MAGEC1: variants seen among roughly 807,000 people sequenced by gnomAD.
The protein encoded by MAGEC1 is melanoma-associated antigen C1.
A neutral mutation model predicts 1.5 loss-of-function variants in MAGEC1; 3 were observed. That is an observed-to-expected ratio of 1.97 (90% CI 0.90 to 5.10). The LOEUF (loss-of-function observed/expected upper bound fraction) is 5.10. Ranked by LOEUF, MAGEC1 falls within the 30% of genes most tolerant of loss-of-function variation. The pLI is 0.02. For missense variants in MAGEC1, 985 were observed against 803.1 expected (o/e 1.23, Z -2.74); for synonymous variants, 357 against 310.4 (o/e 1.15, Z -1.58).
chrX:141,905,973 T>C lies in MAGEC1; in HGVS notation c.569T>C (p.Phe190Ser), dbSNP rs530144762. The C allele has an allele frequency of 2.6e-5, 31 of 1,206,824 alleles. No individual in the cohort carries two copies. Among genetic ancestry groups the C allele is most frequent in the South Asian group, 7.1e-5 (4 of 56,324 alleles). The change falls in exon 4 of 4, where the codon TTT becomes TCT. Residue 190 changes from phenylalanine (F) to serine (S), a missense_variant. Phe to Ser is a radical substitution (Grantham distance 155, BLOSUM62 -2). Coordinates refer to ENST00000285879, the MANE Select transcript of MAGEC1 (RefSeq NM_005462.5). ...TCCCCTGAGAGTACTCAAAGTCCTT[T>C]TGAGGGTTTTCCCCAGTCTCCACTC... is the stretch of plus-strand genomic sequence containing the variant. ...QSSPESTQSP[F>S]EGFPQSPLQI...
Position 141,905,424 on chromosome X carries a change from C to A in MAGEC1, c.20C>A (p.Pro7His), listed in dbSNP as rs2018172728. MGDKDM[P>H]TAGMPSLLQS... Reference sequence around the variant, plus strand: ...CGTTCTCCAGGGGACAAGGATATGCCTACTGCTGGGATGCCGAGTCTTCTC... The same window carrying A: ...CGTTCTCCAGGGGACAAGGATATGCATACTGCTGGGATGCCGAGTCTTCTC... The change falls in exon 4 of 4, where the codon CCT becomes CAT. Residue 7 changes from proline to histidine, a missense_variant. Pro to His is a moderately conservative substitution (Grantham distance 77, BLOSUM62 -2). Transcript: ENST00000285879. 3.3e-6 allele frequency: 4 copies of A among 1,210,817 alleles called. No homozygotes were observed. The East Asian group carries it at 1.2e-4, about 36-fold the overall frequency.
At chrX:141,904,934 C>A in intron 2 of MAGEC1, 36 bp from the exon 3 acceptor site, 1 of 951,269 alleles carries the variant, frequency 1.1e-6, no homozygotes, top group Non-Finnish European at 1.5e-6. Flanking sequence ...TGCCTGCCAG[C>A]TGTGCCCCGA....
At position 141,906,443 on chromosome X, in the gene MAGEC1, T is replaced by C. The variant is rs1417803609; in HGVS notation, c.1039T>C (p.Ser347Pro). 3 of 1,202,658 alleles carry C rather than the reference T, an allele frequency of 2.5e-6. No homozygotes were observed. The highest frequency in any genetic ancestry group is 2.2e-6 in the Non-Finnish European group (2 of 890,049). Reference sequence around the variant, plus strand: ...CCAGATTCCTATGACCTCCTCCTTCTCCTCTACTTTATTGAGTATTTTCCA... The same window carrying C: ...CCAGATTCCTATGACCTCCTCCTTCCCCTCTACTTTATTGAGTATTTTCCA... ...LLQIPMTSSFSSTLLSIFQSS... is the reference protein window; with the variant it reads ...LLQIPMTSSFPSTLLSIFQSS... The change falls in exon 4 of 4, where the codon TCC becomes CCC. Residue 347 changes from serine to proline, a missense_variant. By Grantham distance (74) the Ser-to-Pro change is moderately conservative. Transcript: ENST00000285879.
chrX:141,905,013 G>A lies in MAGEC1; in HGVS notation c.-60G>A. On this transcript the variant is annotated 5_prime_UTR_variant, in exon 3 of 4. Coordinates refer to ENST00000285879, the MANE Select transcript of MAGEC1 (RefSeq NM_005462.5). ...CCCTAGGAAGACAGGCGACCTGTGA[G>A]GCCCTAGAGCACCACCTTAAGAGAA... 4 of 1,210,582 alleles carry A rather than the reference G, an allele frequency of 3.3e-6. No homozygotes were observed. Among genetic ancestry groups the A allele is most frequent in the Non-Finnish European group, 4.5e-6 (4 of 894,599 alleles).
intron 3 of MAGEC1, 105 bp from the exon 4 acceptor site, chrX:141,905,304 A>G: frequency 1.1e-6 from 1 of 870,074 alleles, no homozygotes; most frequent in Admixed American, 2.7e-5. Context: ...GAAGAGGAGG[A>G]AGCTTCCTCC....
Position 141,908,399 on chromosome X carries a change from C to G in MAGEC1, c.2995C>G (p.Leu999Val). 9 of 1,211,340 alleles carry G rather than the reference C, an allele frequency of 7.4e-6. No individual in the cohort carries two copies. Among genetic ancestry groups the G allele is most frequent in the Non-Finnish European group, 1.0e-5 (9 of 895,352 alleles). ...TGAGCAGGGCATGTCCCAGAACCGC[C>G]TCCTGATTCTTATTCTGAGTATCAT... Reference protein sequence around the residue: ...SDEQGMSQNRLLILILSIIFI... With the variant: ...SDEQGMSQNRVLILILSIIFI... The change falls in exon 4 of 4, where the codon CTC becomes GTC. Residue 999 changes from leucine to valine, a missense_variant. By Grantham distance (32) the Leu-to-Val change is conservative. Coordinates refer to ENST00000285879, the MANE Select transcript of MAGEC1 (RefSeq NM_005462.5).
intron 1 of MAGEC1, among the ~76,000 whole-genome samples, chrX:141,904,439 G>A (rs73579887): frequency 0.13 from 14,825 of 110,247 alleles, 981 homozygotes; most frequent in African/African-American, 0.24. Flanking sequence ...TCACATGTGC[G>A]TCAGAACAGA....
In MAGEC1 at chrX:141,905,802, GTTCC is replaced by G; in HGVS notation, c.402_405del (p.Phe135SerfsTer6). 8.2e-7 allele frequency: 1 copy of G among 1,212,327 alleles called. No individual in the cohort carries two copies. Among genetic ancestry groups the G allele is most frequent in the East Asian group, 3.0e-5 (1 of 33,827 alleles). On this transcript the variant is annotated frameshift_variant, in exon 4 of 4. Coordinates refer to ENST00000285879, the MANE Select transcript of MAGEC1 (RefSeq NM_005462.5). LOFTEE classifies it low-confidence loss of function (END_TRUNC). ...CAGTCTCCTCTGCAGAATCCTGCGAGTTCCTTCTTCTCCTCTGCTTTATTGAGTA... is the reference window on the plus strand; with the variant it reads ...CAGTCTCCTCTGCAGAATCCTGCGAGTTCTTCTCCTCTGCTTTATTGAGTA...
At position 141,904,999 on chromosome X, in the gene MAGEC1, C is replaced by T. The variant is rs767515701; in HGVS notation, c.-74C>T. On this transcript the variant is annotated 5_prime_UTR_variant, in exon 3 of 4. Coordinates refer to ENST00000285879, the MANE Select transcript of MAGEC1 (RefSeq NM_005462.5). Reference sequence around the variant, plus strand: ...CCAGAAGACAAACCCCCTAGGAAGACAGGCGACCTGTGAGGCCCTAGAGCA... The same window carrying T: ...CCAGAAGACAAACCCCCTAGGAAGATAGGCGACCTGTGAGGCCCTAGAGCA... The T allele has an allele frequency of 4.0e-5, 48 of 1,206,439 alleles. No homozygotes were observed. Among genetic ancestry groups the T allele is most frequent in the African/African-American group, 5.2e-5 (3 of 57,168 alleles).
In MAGEC1 at chrX:141,907,967, G is replaced by A. The variant is rs1927000249; in HGVS notation, c.2563G>A (p.Val855Met). 2 of 1,209,825 alleles carry A rather than the reference G, an allele frequency of 1.7e-6. No homozygotes were observed. Among genetic ancestry groups the A allele is most frequent in the East Asian group, 3.0e-5 (1 of 33,741 alleles). Residue 855 changes from valine to methionine, a missense_variant, in exon 4 of 4, where the codon GTG (valine) becomes ATG (methionine). Val to Met is a conservative substitution (Grantham distance 21). Coordinates refer to ENST00000285879, the MANE Select transcript of MAGEC1 (RefSeq NM_005462.5). ...SSPESPLQSP[V>M]ISFSSSTSLS... ...CCCTGAGAGTCCTCTCCAGAGTCCT[G>A]TGATCTCCTTCTCCTCCTCCACTTC...
rs1242152055 is a variant in MAGEC1, at chrX:141,906,148, TTTCCAGAGTTTCTCTGAGAGAACTCA to T, written c.745_770del (p.Phe249GlufsTer4). The T allele has an allele frequency of 1.3e-5, 9 of 702,345 alleles. 4 individuals are homozygous for T. Among genetic ancestry groups the T allele is most frequent in the Middle Eastern group, 6.6e-4 (2 of 3,039 alleles). 57.9% of individuals were successfully genotyped at this position (702,345 alleles called of 1,213,427 possible). On this transcript the variant is annotated frameshift_variant, in exon 4 of 4. Coordinates refer to ENST00000285879, the MANE Select transcript of MAGEC1 (RefSeq NM_005462.5). LOFTEE classifies it low-confidence loss of function (END_TRUNC). ...CCTCCTCCTCCACTTTACTGAGTCT[TTTCCAGAGTTTCTCTGAGAGAACTCA>T]GAGTACTTTTGAGGGTTTTGCCCAG...
chrX:141,905,469 C>T lies in MAGEC1; in HGVS notation c.65C>T (p.Pro22Leu), dbSNP rs913601422. The part of the protein sequence containing the change: ...PSLLQSSSES[P>L]QSCPEGEDSQ... ...CTTCTCCAGAGTTCCTCTGAGAGTC[C>T]TCAGAGTTGTCCTGAGGGGGAGGAC... The change falls in exon 4 of 4, where the codon CCT (proline) becomes CTT (leucine). Residue 22 changes from proline (P) to leucine (L), a missense_variant. Transcript: ENST00000285879. 1.2e-5 allele frequency: 15 copies of T among 1,211,957 alleles called. No individual in the cohort carries two copies. Among genetic ancestry groups the T allele is most frequent in the Non-Finnish European group, 1.6e-5 (14 of 895,325 alleles).
Position 141,907,509 on chromosome X carries a change from A to G in MAGEC1, c.2105A>G (p.Glu702Gly), listed in dbSNP as rs1259237186. Residue 702 changes from glutamate to glycine, a missense_variant, in exon 4 of 4, where the codon GAG (glutamate) becomes GGG (glycine). By Grantham distance (98) the Glu-to-Gly change is moderately conservative. Transcript: ENST00000285879. ...ATTCCTCAGAGTCCTCTTGAGGGAGAGGACTCCCTGTCTTCTCTCCATTTT... is the reference window on the plus strand; with the variant it reads ...ATTCCTCAGAGTCCTCTTGAGGGAGGGGACTCCCTGTCTTCTCTCCATTTT... ...LQIPQSPLEG[E>G]DSLSSLHFPQ... is the part of the protein sequence containing the mutation. 2 of 1,196,308 alleles carry G rather than the reference A, an allele frequency of 1.7e-6. No homozygotes were observed. Among genetic ancestry groups the G allele is most frequent in the Non-Finnish European group, 2.3e-6 (2 of 888,808 alleles).
rs1432679089 is a variant in MAGEC1, at chrX:141,907,873, G to T, written c.2469G>T (p.Ser823=). ...GCTCCTTCCCCTCCTCCACTTCATC[G>T]AGTCTTTCCCAGAGTTCTCCTGTGA... ...PVSSFPSSTS[S]SLSQSSPVSS... The change falls in exon 4 of 4, where the codon TCG becomes TCT. Residue 823 remains serine, a synonymous_variant. Coordinates refer to ENST00000285879, the MANE Select transcript of MAGEC1 (RefSeq NM_005462.5). 2 of 1,209,975 alleles carry T rather than the reference G, an allele frequency of 1.7e-6. No homozygotes were observed. Among genetic ancestry groups the T allele is most frequent in the South Asian group, 3.5e-5 (2 of 56,760 alleles).
At position 141,907,762 on chromosome X, in the gene MAGEC1, T is replaced by C; in HGVS notation, c.2358T>C (p.Thr786=). ...QRPVSSFFSY[T]LASLLQSSHE... Reference sequence around the variant, plus strand: ...CTGTCAGCTCCTTCTTCTCCTACACTTTAGCGAGTCTTCTCCAAAGTTCCC... The same window carrying C: ...CTGTCAGCTCCTTCTTCTCCTACACCTTAGCGAGTCTTCTCCAAAGTTCCC... The change falls in exon 4 of 4, where the codon ACT becomes ACC. Residue 786 remains threonine (T), a synonymous_variant. Transcript: ENST00000285879. 1 of 1,209,573 alleles carries C rather than the reference T, an allele frequency of 8.3e-7. No homozygotes were observed. Among genetic ancestry groups the C allele is most frequent in the African/African-American group, 1.8e-5 (1 of 57,122 alleles).
At position 141,908,793 on chromosome X, in the gene MAGEC1, C is replaced by T. The variant is rs763136218; in HGVS notation, c.3389C>T (p.Ala1130Val). 6.0e-5 allele frequency: 72 copies of T among 1,205,941 alleles called. No homozygotes were observed. The highest frequency in any genetic ancestry group is 7.8e-5 in the Non-Finnish European group (70 of 893,199). Residue 1130 changes from alanine to valine, a missense_variant, in exon 4 of 4, where the codon GCA becomes GTA. Ala to Val is a moderately conservative substitution (Grantham distance 64). Transcript: ENST00000285879. ...TTDDSTATES[A>V]SSSVMSPSFS... ...GATGATTCGACTGCCACAGAAAGTG[C>T]AAGCTCCAGTGTCATGTCCCCCAGC...
rs1927006922 is a variant in MAGEC1, at chrX:141,908,083, C to T, written c.2679C>T (p.Asp893=). The T allele has an allele frequency of 8.3e-7, 1 of 1,211,967 alleles. No homozygotes were observed. ...TGCTAGAGAGTGATTCCTTGACAGA[C>T]AGCGAGTCCTTGATAGAGAGCGAGC... The part of the protein sequence containing the change: ...DTLLESDSLT[D]SESLIESEPL... Residue 893 remains aspartate, a synonymous_variant, in exon 4 of 4, where the codon GAC becomes GAT. Transcript: ENST00000285879.
chrX:141,905,449 C>T lies in MAGEC1; in HGVS notation c.45C>T (p.Leu15=), dbSNP rs144505845. Residue 15 remains leucine (L), a synonymous_variant, in exon 4 of 4, where the codon CTC becomes CTT. Coordinates refer to ENST00000285879, the MANE Select transcript of MAGEC1 (RefSeq NM_005462.5). Reference sequence around the variant, plus strand: ...CTACTGCTGGGATGCCGAGTCTTCTCCAGAGTTCCTCTGAGAGTCCTCAGA... The same window carrying T: ...CTACTGCTGGGATGCCGAGTCTTCTTCAGAGTTCCTCTGAGAGTCCTCAGA... The part of the protein sequence containing the change: ...DMPTAGMPSL[L]QSSSESPQSC... The T allele has an allele frequency of 1.7e-6, 2 of 1,212,043 alleles. No individual in the cohort carries two copies. The highest frequency in any genetic ancestry group is 5.9e-5 in the East Asian group (2 of 33,840).
chrX:141,906,122 T>G lies in MAGEC1; in HGVS notation c.718T>G (p.Ser240Ala), dbSNP rs140572967. The G allele has an allele frequency of 2.3e-4, 184 of 787,751 alleles. 8 individuals are homozygous for G. The African/African-American group carries it at 3.4e-3, about 15-fold the overall frequency. 64.9% of individuals were successfully genotyped at this position (787,751 alleles called of 1,213,427 possible). A position where few individuals can be genotyped will look rare whatever the true frequency, so the allele number is the denominator to read the frequency against. The change falls in exon 4 of 4, where the codon TCC (serine) becomes GCC (alanine). Residue 240 changes from serine (S) to alanine (A), a missense_variant. Transcript: ENST00000285879. ...TCCTCTCCAGATTCCTGTGAGCCCC[T>G]CCTCCTCCTCCACTTTACTGAGTCT... is the stretch of plus-strand genomic sequence containing the variant. The part of the protein sequence containing the change: ...QSPLQIPVSP[S>A]SSSTLLSLFQ...
Sources: allele counts gnomAD v4.1 joint callset (sites outside exome capture counted in the v4.1 genomes callset), GRCh38; gene constraint gnomAD v4.1.1; transcripts MANE v1.5; gene names NCBI Gene and HGNC (gene_info 2026-07-23, HGNC 2026-07-21).